KCNQ1: variants seen among roughly 807,000 people sequenced by gnomAD.
KCNQ1 encodes potassium voltage-gated channel subfamily Q member 1, also known as potassium voltage-gated channel subfamily KQT member 1.
In KCNQ1, 49 loss-of-function variants were observed where a neutral mutation model predicts 72.4. That is an observed-to-expected ratio of 0.68 (90% CI 0.54 to 0.86). The LOEUF is 0.86. Ranked by LOEUF, KCNQ1 falls within the 40% of genes least tolerant of loss-of-function variation. The pLI, the probability that KCNQ1 is intolerant of heterozygous loss-of-function variation, is 0.00. For missense variants in KCNQ1, 790 were observed against 945.1 expected (o/e 0.84, Z 2.15); for synonymous variants, 450 against 412.6 (o/e 1.09, Z -1.10).
rs1017143634 is a variant in KCNQ1, at chr11:2,526,833, A to C, written c.387-1095A>C. On this transcript the variant is annotated intron_variant, in intron 1 of 15. Transcript: ENST00000155840. The surrounding 1 kb of genome is among the most constrained non-coding windows in gnomAD (Gnocchi z 6.1). ...AGGATGGCAGGATCTCAGGGAGCGG[A>C]GGGAGCCTGGGGCACCCTATGCCAG... 2.0e-5 allele frequency among the ~76,000 whole-genome samples: 3 copies of C among 152,054 alleles called. No homozygotes were observed. The highest frequency in any genetic ancestry group is 4.2e-4 in the South Asian group (2 of 4,816).
chr11:2,555,611 G>A (rs1848059022), intron 2 of KCNQ1, among the ~76,000 whole-genome samples: 1 of 152,252 alleles, frequency 6.6e-6, no homozygotes, highest in African/African-American at 2.4e-5. Context: ...TATGATTCCT[G>A]GGAGGCAGCT....
intron 15 of KCNQ1, among the ~76,000 whole-genome samples, chr11:2,819,516 C>T (rs1393326529): frequency 6.6e-6 from 1 of 152,182 alleles, no homozygotes; most frequent in Middle Eastern, 3.2e-3. Context: ...TGAGGTAAAC[C>T]TTATGTGATC....
intron 1 of KCNQ1, among the ~76,000 whole-genome samples, chr11:2,485,338 G>T (rs1846723848): frequency 2.0e-5 from 3 of 151,578 alleles, no homozygotes; most frequent in Non-Finnish European, 2.9e-5. Context: ...CGCCCACCCT[G>T]CCAGCCCTTC....
chr11:2,461,442 C>G (rs1460118832), intron 1 of KCNQ1: 1 of 1,283,826 alleles, frequency 7.8e-7, no homozygotes, highest in South Asian at 1.2e-5. Context: ...GCCCCTCTTC[C>G]CTTCCTCCCC....
Position 2,647,099 on chromosome 11 carries a change from G to A in KCNQ1, c.1394-14862G>A, listed in dbSNP as rs1191799350. ...GAGAAGGTGTTTAGCTTTTCCCCAG[G>A]TGGCTGTGGGTTTGTCATATATGAC... On this transcript the variant is annotated intron_variant, in intron 10 of 15. Coordinates refer to ENST00000155840, the MANE Select transcript of KCNQ1 (RefSeq NM_000218.3). This position sits in a 1 kb window ranked among gnomAD's most constrained non-coding sequence, Gnocchi z 4.0. The A allele has an allele frequency of 5.0e-6, 2 of 398,410 alleles. No individual in the cohort carries two copies. Among genetic ancestry groups the A allele is most frequent in the Non-Finnish European group, 8.8e-6 (2 of 226,006 alleles). 24.7% of individuals were successfully genotyped at this position (398,410 alleles called of 1,614,324 possible).
Position 2,541,064 on chromosome 11 carries a change from C to T in KCNQ1, c.477+13046C>T, listed in dbSNP as rs951578851. Among the ~76,000 whole-genome samples the T allele has an allele frequency of 3.3e-5, 5 of 152,384 alleles. No homozygotes were observed. The highest frequency in any genetic ancestry group is 9.6e-5 in the African/African-American group (4 of 41,600). On this transcript the variant is annotated intron_variant, in intron 2 of 15. Transcript: ENST00000155840. This position sits in a 1 kb window ranked among gnomAD's most constrained non-coding sequence, Gnocchi z 4.8. ...GTGGACACACTCACGTGTGTGTGCA[C>T]GTTCAGGCTCAGACACGTGCCTGCA...
chr11:2,756,245 C>G (rs1008687420), intron 11 of KCNQ1, among the ~76,000 whole-genome samples: 2 of 152,168 alleles, frequency 1.3e-5, no homozygotes, highest in African/African-American at 4.8e-5. Context: ...ACGCTGTTCA[C>G]AAGCTCCACG....
intron 11 of KCNQ1, among the ~76,000 whole-genome samples, chr11:2,705,273 C>T (rs1850887205): frequency 6.6e-6 from 1 of 152,176 alleles, no homozygotes; most frequent in Non-Finnish European, 1.5e-5. Context: ...GTCTGGAGTT[C>T]AGGCGGTCTC....
At chr11:2,476,906 A>G (rs1212127917) in intron 1 of KCNQ1, among the ~76,000 whole-genome samples, 2 of 152,252 alleles carry the variant, frequency 1.3e-5, no homozygotes, top group South Asian at 2.1e-4. Flanking sequence ...CCAGGCTGGT[A>G]TTGAACTCCT....
At chr11:2,797,425 C>T (rs1847159941) in intron 15 of KCNQ1, among the ~76,000 whole-genome samples, 1 of 152,228 alleles carries the variant, frequency 6.6e-6, no homozygotes. Flanking sequence ...CTCAGCGATG[C>T]CAGCTCCAGC....
rs1348294316 is a variant in KCNQ1, at chr11:2,475,629, C to G, written c.386+30145C>G. Among the ~76,000 whole-genome samples, 4 of 152,318 alleles carry G rather than the reference C, an allele frequency of 2.6e-5. No homozygotes were observed. The stretch of plus-strand genomic sequence containing the variant: ...GCTGGAGACATAGTCAGCTGTGAAG[C>G]TGTAACTTTCATGAAGACAGTGACG... On this transcript the variant is annotated intron_variant, in intron 1 of 15. Transcript: ENST00000155840. This position sits in a 1 kb window ranked among gnomAD's most constrained non-coding sequence, Gnocchi z 5.8.
Position 2,556,317 on chromosome 11 carries a change from G to T in KCNQ1, c.478-14311G>T, listed in dbSNP as rs977888661. 3.9e-5 allele frequency among the ~76,000 whole-genome samples: 6 copies of T among 152,222 alleles called. No homozygotes were observed. The East Asian group carries it at 1.2e-3, about 29-fold the overall frequency. ...AGGTCACACTCTGAGGTGTGCTGGA[G>T]GGTCTAGGACCTCAACATATGAATT... On this transcript the variant is annotated intron_variant, in intron 2 of 15. Coordinates refer to ENST00000155840, the MANE Select transcript of KCNQ1 (RefSeq NM_000218.3).
intron 1 of KCNQ1, among the ~76,000 whole-genome samples, chr11:2,487,162 T>C (rs1446192434): frequency 6.6e-6 from 1 of 152,238 alleles, no homozygotes; most frequent in Non-Finnish European, 1.5e-5. Context: ...CTTGGAACCC[T>C]AGTCAAAAAT....
chr11:2,826,943 G>T lies in KCNQ1; in HGVS notation c.1795-20824G>T, dbSNP rs1349517407. Among the ~76,000 whole-genome samples, 1 of 152,224 alleles carries T rather than the reference G, an allele frequency of 6.6e-6. No homozygotes were observed. The highest frequency in any genetic ancestry group is 1.5e-5 in the Non-Finnish European group (1 of 68,028). On this transcript the variant is annotated intron_variant, in intron 15 of 15. Transcript: ENST00000155840. The surrounding 1 kb of genome is among the most constrained non-coding windows in gnomAD (Gnocchi z 4.2). ...AGGTGGCCCATGAGCCGTGGAGTAG[G>T]TGGGGAAGGGGACATCTCCAAGGAG...
chr11:2,843,657 G>T (rs979437768), intron 15 of KCNQ1, among the ~76,000 whole-genome samples: 8 of 152,368 alleles, frequency 5.3e-5, no homozygotes, highest in South Asian at 2.1e-4. Flanking sequence ...GGCCGGGCAG[G>T]TTCTGCAAAA....
intron 11 of KCNQ1, chr11:2,699,981 G>C: frequency 2.5e-6 from 1 of 398,320 alleles, no homozygotes; most frequent in Non-Finnish European, 4.4e-6. Flanking sequence ...CTGAGGCGAC[G>C]CGGCGACCGT....
At position 2,782,497 on chromosome 11, in the gene KCNQ1, T is replaced by C. The variant is rs1355150581; in HGVS notation, c.1794+4460T>C. On this transcript the variant is annotated intron_variant, in intron 15 of 15. Coordinates refer to ENST00000155840, the MANE Select transcript of KCNQ1 (RefSeq NM_000218.3). This position sits in a 1 kb window ranked among gnomAD's most constrained non-coding sequence, Gnocchi z 6.1. ...AAGAAGTGTTCCCTCTTTTCCTATATTGGGATATTTTGTATAAGATTAGAA... is the reference window on the plus strand; with the variant it reads ...AAGAAGTGTTCCCTCTTTTCCTATACTGGGATATTTTGTATAAGATTAGAA... Among the ~76,000 whole-genome samples the C allele has an allele frequency of 6.6e-6, 1 of 152,196 alleles. No individual in the cohort carries two copies. Among genetic ancestry groups the C allele is most frequent in the Non-Finnish European group, 1.5e-5 (1 of 68,034 alleles).
chr11:2,620,126 C>T lies in KCNQ1; in HGVS notation c.1393+31272C>T, dbSNP rs1849141347. 5.0e-6 allele frequency: 2 copies of T among 397,646 alleles called. No homozygotes were observed. The highest frequency in any genetic ancestry group is 8.9e-6 in the Non-Finnish European group (2 of 225,956). 24.6% of individuals were successfully genotyped at this position (397,646 alleles called of 1,614,324 possible). A position where few individuals can be genotyped will look rare whatever the true frequency, so the allele number is the denominator to read the frequency against. The stretch of plus-strand genomic sequence containing the variant: ...AACATGCAGTATTTGGTTTTCTGTT[C>T]CTGCATTAATTTGCTTAAGATAGTG... On this transcript the variant is annotated intron_variant, in intron 10 of 15. Transcript: ENST00000155840. This position sits in a 1 kb window ranked among gnomAD's most constrained non-coding sequence, Gnocchi z 4.5.
At position 2,491,022 on chromosome 11, in the gene KCNQ1, A is replaced by G. The variant is rs1300504098; in HGVS notation, c.387-36906A>G. Among the ~76,000 whole-genome samples the G allele has an allele frequency of 6.6e-6, 1 of 152,174 alleles. No homozygotes were observed. Among genetic ancestry groups the G allele is most frequent in the Non-Finnish European group, 1.5e-5 (1 of 68,032 alleles). On this transcript the variant is annotated intron_variant, in intron 1 of 15. Transcript: ENST00000155840. The surrounding 1 kb of genome is among the most constrained non-coding windows in gnomAD (Gnocchi z 4.1). ...CGCCTGGCCCCAAGGCAGTATTTTT[A>G]TGAGTCTGCAAGAACCACAGTGTTA...
Sources: gnomAD v4.1 joint callset for allele counts (sites outside exome capture counted in the v4.1 genomes callset) on GRCh38, gnomAD v4.1.1 for gene constraint, Gnocchi (gnomAD v3.1) non-coding constraint, MANE v1.5 for transcripts, NCBI Gene and HGNC (gene_info 2026-07-23, HGNC 2026-07-21) for gene names.